CPTP: variants seen among roughly 807,000 people sequenced by gnomAD.
The protein encoded by CPTP is ceramide-1-phosphate transfer protein, also known as GLTP domain-containing protein 1.
Under a neutral mutation model 5.7 loss-of-function variants are expected in CPTP, and 5 were observed. The ratio of observed to expected loss-of-function variants is 0.88; its 90% CI spans 0.46 to 1.86. CPTP has a LOEUF of 1.86. CPTP is among the 40% of genes most tolerant of loss of function. CPTP has a pLI of 0.01. For synonymous variants in CPTP, 166 were observed against 142.7 expected (o/e 1.16, Z -1.16); for missense variants, 335 against 306.5 (o/e 1.09, Z -0.69).
chr1:1,326,847 C>T lies in CPTP; in HGVS notation c.-64C>T. ...CCCTCCACACACAGAAAATGAGCCA[C>T]AGAGCAAGCTGACCCCAGCGACACA... On this transcript the variant is annotated 5_prime_UTR_variant, in exon 2 of 3. Coordinates refer to ENST00000343938, the MANE Select transcript of CPTP (RefSeq NM_001029885.2). 1 of 1,606,094 alleles carries T rather than the reference C, an allele frequency of 6.2e-7. No individual in the cohort carries two copies. The highest frequency in any genetic ancestry group is 8.5e-7 in the Non-Finnish European group (1 of 1,174,388).
rs751777867 is a variant in CPTP at position 1,326,947 on chromosome 1, G to C, written c.37G>C (p.Val13Leu). 5.0e-6 allele frequency: 8 copies of C among 1,613,658 alleles called. No homozygotes were observed. In the Admixed American group the frequency reaches 1.3e-4, roughly 27 times the overall value. Residue 13 changes from valine to leucine, a missense_variant, in exon 2 of 3, where the codon GTC (valine) becomes CTC (leucine). Transcript: ENST00000343938. ...GGAGACAGGTTTCAATCTGAAAGTC[G>C]TCCTGGTCAGTTTCAAGCAGTGTCT... Reference protein sequence around the residue: ...DSETGFNLKVVLVSFKQCLDE... With the variant: ...DSETGFNLKVLLVSFKQCLDE...
chr1:1,326,835 G>C lies in CPTP; in HGVS notation c.-75-1G>C, dbSNP rs1322009177. 72 of 1,594,030 alleles carry C rather than the reference G, an allele frequency of 4.5e-5. No homozygotes were observed. The highest frequency in any genetic ancestry group is 1.7e-4 in the Middle Eastern group (1 of 6,002). On this transcript the variant is annotated splice_acceptor_variant, in intron 1 of 2. Coordinates refer to ENST00000343938, the MANE Select transcript of CPTP (RefSeq NM_001029885.2). LOFTEE classifies it low-confidence loss of function (5UTR_SPLICE). ...GCTATTTTGTTCCCCTCCACACACAGAAAATGAGCCACAGAGCAAGCTGAC... is the reference window on the plus strand; with the variant it reads ...GCTATTTTGTTCCCCTCCACACACACAAAATGAGCCACAGAGCAAGCTGAC...
Position 1,327,457 on chromosome 1 carries a change from C to T in CPTP, c.339C>T (p.Arg113=), listed in dbSNP as rs369310216. The T allele has an allele frequency of 6.9e-4, 1,083 of 1,573,460 alleles. 11 individuals carry two copies. In the South Asian group the frequency reaches 7.3e-3, roughly 11 times the overall value. ...SGCRTVLRLH[R]ALHWLQLFLE... is the part of the protein sequence containing the mutation. The stretch of plus-strand genomic sequence containing the variant: ...GCCGGACGGTGCTGCGCCTGCACCG[C>T]GCCCTGCACTGGCTGCAGCTGTTCC... The change falls in exon 3 of 3, where the codon CGC becomes CGT. Residue 113 remains arginine, a synonymous_variant. Coordinates refer to ENST00000343938, the MANE Select transcript of CPTP (RefSeq NM_001029885.2).
chr1:1,327,813 C>G lies in CPTP; in HGVS notation c.*50C>G. Reference sequence around the variant, plus strand: ...GCTTTCCTGCTGCAGATCTGGGCTGCGGTGGCCAGGGCCGTGAGTCCCGTG... The same window carrying G: ...GCTTTCCTGCTGCAGATCTGGGCTGGGGTGGCCAGGGCCGTGAGTCCCGTG... On this transcript the variant is annotated 3_prime_UTR_variant, in exon 3 of 3. Coordinates refer to ENST00000343938, the MANE Select transcript of CPTP (RefSeq NM_001029885.2). 6.3e-7 allele frequency: 1 copy of G among 1,594,200 alleles called. No individual in the cohort carries two copies. Among genetic ancestry groups the G allele is most frequent in the Non-Finnish European group, 8.5e-7 (1 of 1,173,424 alleles).
intron 1 of CPTP, among the ~76,000 whole-genome samples, chr1:1,326,339 T>C (rs1372875211): frequency 7.0e-6 from 1 of 142,922 alleles, no homozygotes; most frequent in Non-Finnish European, 1.5e-5. Flanking sequence ...CTCTGCTTTC[T>C]GCTGTGTCTG....
At chr1:1,327,209 G>A (rs760718137) in intron 2 of CPTP, 32 bp from the exon 3 acceptor site, 1 of 1,591,910 alleles carries the variant, frequency 6.3e-7, no homozygotes, top group Non-Finnish European at 8.5e-7. Flanking sequence ...CCCAGGCCTG[G>A]GCGAGGACTC....
rs1643327993 is a variant in CPTP at position 1,327,320 on chromosome 1, A to G, written c.202A>G (p.Arg68Gly). 1.9e-6 allele frequency: 3 copies of G among 1,597,974 alleles called. No homozygotes were observed. In the East Asian group the frequency reaches 6.7e-5, roughly 36 times the overall value. The change falls in exon 3 of 3, where the codon AGG (arginine) becomes GGG (glycine). Residue 68 changes from arginine (R) to glycine (G), a missense_variant. By Grantham distance (125) the Arg-to-Gly change is moderately radical (BLOSUM62 -2). Transcript: ENST00000343938. Reference protein sequence around the residue: ...VSKLRIMERLRGGPQSEHYRS... With the variant: ...VSKLRIMERLGGGPQSEHYRS... ...CAAGCTGCGGATCATGGAGCGCCTC[A>G]GGGGCGGCCCGCAGAGCGAGCACTA...
rs925990020 is a variant in CPTP, at chr1:1,328,357, G to A, written c.*594G>A. Reference sequence around the variant, plus strand: ...CCTCTCCTGCCTTGTTTGCCCCTCAGCGTGCCAGGCAGACTGGGGGCAGGA... The same window carrying A: ...CCTCTCCTGCCTTGTTTGCCCCTCAACGTGCCAGGCAGACTGGGGGCAGGA... On this transcript the variant is annotated 3_prime_UTR_variant, in exon 3 of 3. Transcript: ENST00000343938. 3 of 155,828 alleles carry A rather than the reference G, an allele frequency of 1.9e-5. No homozygotes were observed. The highest frequency in any genetic ancestry group is 4.3e-5 in the Non-Finnish European group (3 of 70,580). 9.7% of individuals were successfully genotyped at this position (155,828 alleles called of 1,614,324 possible). A position where few individuals can be genotyped will look rare whatever the true frequency, so the allele number is the denominator to read the frequency against.
At chr1:1,327,129 G>C in intron 2 of CPTP, 97 bp downstream of exon 2, 1 of 1,589,452 alleles carries the variant, frequency 6.3e-7, no homozygotes, top group South Asian at 1.1e-5. Flanking sequence ...CACCAGCTTT[G>C]CTGCCCGTTT....
Position 1,326,906 on chromosome 1 carries a change from A to C in CPTP, c.-5A>C. Reference sequence around the variant, plus strand: ...GCCCTACTGTATTTCCGTTCCTATCAAAAAATGGATGACTCGGAGACAGGT... The same window carrying C: ...GCCCTACTGTATTTCCGTTCCTATCCAAAAATGGATGACTCGGAGACAGGT... On this transcript the variant is annotated 5_prime_UTR_variant, in exon 2 of 3. Coordinates refer to ENST00000343938, the MANE Select transcript of CPTP (RefSeq NM_001029885.2). The C allele has an allele frequency of 6.2e-7, 1 of 1,613,660 alleles. No individual in the cohort carries two copies. Among genetic ancestry groups the C allele is most frequent in the South Asian group, 1.1e-5 (1 of 91,084 alleles).
chr1:1,327,600 CCTT>C lies in CPTP; in HGVS notation c.485_487del (p.Phe162del). ...GTCGTGCGCCGCGCCGTCACCGTGGCCTTCTGCACGCTGCCCACACGCGAGGTC... is the reference window on the plus strand; with the variant it reads ...GTCGTGCGCCGCGCCGTCACCGTGGCCTGCACGCTGCCCACACGCGAGGTC... On this transcript the variant is annotated inframe_deletion, in exon 3 of 3. Transcript: ENST00000343938. 2 of 1,611,416 alleles carry C rather than the reference CCTT, an allele frequency of 1.2e-6. No homozygotes were observed. The highest frequency in any genetic ancestry group is 1.7e-6 in the Non-Finnish European group (2 of 1,179,456).
intron 1 of CPTP, 64 bp from the exon 2 acceptor site, chr1:1,326,772 A>T (rs1569619565): frequency 1.7e-6 from 2 of 1,144,964 alleles, no homozygotes; most frequent in East Asian, 5.0e-5. Flanking sequence ...AAGCTCCATG[A>T]GGGGCATGAG....
intron 1 of CPTP, chr1:1,325,353 A>C (rs307346): frequency 0.91 from 138,669 of 152,332 alleles, 63,236 homozygotes; most frequent in Non-Finnish European, 0.95. Flanking sequence ...TCCTGTTGTT[A>C]CCGAGCCACC....
intron 1 of CPTP, 136 bp from the exon 2 acceptor site, chr1:1,326,700 A>G (rs1643317146): frequency 5.3e-6 from 3 of 567,988 alleles, no homozygotes; most frequent in Non-Finnish European, 9.3e-6. Context: ...AGGGTGGGTC[A>G]GGGTGGTGTG....
In CPTP at chr1:1,327,686, GC is replaced by G. The variant is rs1557652295; in HGVS notation, c.571del (p.Leu191SerfsTer47). ...PEQAVQMLGE[A>X]LPFIQRVYNV... is the part of the protein sequence containing the mutation. ...GCAGGCCGTGCAGATGCTAGGCGAG[GC>G]CCTCCCCTTCATCCAGCGTGTCTAC... is the stretch of plus-strand genomic sequence containing the variant. On this transcript the variant is annotated frameshift_variant, in exon 3 of 3. Transcript: ENST00000343938. LOFTEE classifies it high-confidence loss of function. 6.2e-7 allele frequency: 1 copy of G among 1,612,750 alleles called. No individual in the cohort carries two copies. The highest frequency in any genetic ancestry group is 8.5e-7 in the Non-Finnish European group (1 of 1,179,924).
Position 1,327,275 on chromosome 1 carries a change from A to ATC in CPTP, c.160_161dup (p.Lys55ProfsTer34). On this transcript the variant is annotated frameshift_variant, in exon 3 of 3. Coordinates refer to ENST00000343938, the MANE Select transcript of CPTP (RefSeq NM_001029885.2). LOFTEE classifies it low-confidence loss of function (END_TRUNC). ...CAGCCTGGGCACCATCTTCTCATTC[A>ATC]TCTCCAAGGACGTGGTCTCCAAGCT... The ATC allele has an allele frequency of 6.3e-7, 1 of 1,597,842 alleles. No individual in the cohort carries two copies. The highest frequency in any genetic ancestry group is 8.5e-7 in the Non-Finnish European group (1 of 1,179,452).
rs771437520 is a variant in CPTP at position 1,327,595 on chromosome 1, C to T, written c.477C>T (p.Thr159=). ...CCTGGGTCGTGCGCCGCGCCGTCACCGTGGCCTTCTGCACGCTGCCCACAC... is the reference window on the plus strand; with the variant it reads ...CCTGGGTCGTGCGCCGCGCCGTCACTGTGGCCTTCTGCACGCTGCCCACAC... The part of the protein sequence containing the change: ...YHPWVVRRAV[T]VAFCTLPTRE... Residue 159 remains threonine, a synonymous_variant, in exon 3 of 3, where the codon ACC becomes ACT. Coordinates refer to ENST00000343938, the MANE Select transcript of CPTP (RefSeq NM_001029885.2). 1.5e-5 allele frequency: 24 copies of T among 1,610,790 alleles called. No individual in the cohort carries two copies. Among genetic ancestry groups the T allele is most frequent in the South Asian group, 1.3e-4 (12 of 90,868 alleles).
Position 1,328,074 on chromosome 1 carries a change from G to A in CPTP, c.*311G>A. ...CAGAGCAGGCAGGGGTGGGGGCCGG[G>A]CCTGCAAGAGCCCGAAAGGTCGCCA... On this transcript the variant is annotated 3_prime_UTR_variant, in exon 3 of 3. Transcript: ENST00000343938. 4.2e-6 allele frequency: 2 copies of A among 476,608 alleles called. No individual in the cohort carries two copies. The highest frequency in any genetic ancestry group is 7.4e-6 in the Non-Finnish European group (2 of 268,790). 29.5% of individuals were successfully genotyped at this position (476,608 alleles called of 1,614,324 possible). A position where few individuals can be genotyped will look rare whatever the true frequency, so the allele number is the denominator to read the frequency against.
chr1:1,328,470 C>T lies in CPTP; in HGVS notation c.*707C>T, dbSNP rs761265563. ...AGCCTCCTCCGTAGCCCCTGCACGGCACCAGTTCCCCGAGGGACGCAGCAG... is the reference window on the plus strand; with the variant it reads ...AGCCTCCTCCGTAGCCCCTGCACGGTACCAGTTCCCCGAGGGACGCAGCAG... On this transcript the variant is annotated 3_prime_UTR_variant, in exon 3 of 3. Transcript: ENST00000343938. 1 of 153,048 alleles carries T rather than the reference C, an allele frequency of 6.5e-6. No individual in the cohort carries two copies. The highest frequency in any genetic ancestry group is 1.5e-5 in the Non-Finnish European group (1 of 68,560). The allele number at this position is 153,048 out of a possible 1,614,324, so 9.5% of individuals were successfully genotyped here. A position where few individuals can be genotyped will look rare whatever the true frequency, so the allele number is the denominator to read the frequency against.
Sources: allele counts gnomAD v4.1 joint callset (sites outside exome capture counted in the v4.1 genomes callset), GRCh38; gene constraint gnomAD v4.1.1; transcripts MANE v1.5; gene names NCBI Gene and HGNC (gene_info 2026-07-23, HGNC 2026-07-21).